IQCM: variants seen among roughly 807,000 people sequenced by gnomAD.
IQCM encodes the protein IQ motif containing M.
In IQCM, 45 loss-of-function variants were observed where a neutral mutation model predicts 57.6. That is an observed-to-expected ratio of 0.78 (90% CI 0.62 to 1.00). The LOEUF is 1.00. Among genes scored for constraint, IQCM ranks in the 50% least tolerant of loss-of-function variants. IQCM has a pLI of 0.00. For synonymous variants in IQCM, 148 were observed against 158.9 expected, an observed-to-expected ratio of 0.93 and a Z score of 0.51; for missense variants, 468 against 511.6, an observed-to-expected ratio of 0.91 and a Z score of 0.82.
intron 2 of IQCM, among the ~76,000 whole-genome samples, chr4:149,808,829 T>C (rs1439346690): frequency 6.6e-6 from 1 of 152,196 alleles, no homozygotes; most frequent in Admixed American, 6.5e-5. Flanking sequence ...GACTGTAGTA[T>C]CTAAGTTTTG....
intron 12 of IQCM, among the ~76,000 whole-genome samples, chr4:149,461,576 C>T (rs967977764): frequency 6.6e-6 from 1 of 151,070 alleles, no homozygotes; most frequent in East Asian, 2.0e-4. Context: ...ACTGCTTGGG[C>T]CTGGGAGGTC....
intron 2 of IQCM, among the ~76,000 whole-genome samples, chr4:149,744,809 A>G (rs896538424): frequency 6.6e-6 from 1 of 152,188 alleles, no homozygotes; most frequent in Non-Finnish European, 1.5e-5. Flanking sequence ...AGCTGTGCAA[A>G]GGACTTGCCA....
At chr4:149,381,243 T>A (rs190077507) in intron 13 of IQCM, among the ~76,000 whole-genome samples, 21 of 152,218 alleles carry the variant, frequency 1.4e-4, no homozygotes, top group South Asian at 1.2e-3. Context: ...AGCCATTATT[T>A]TTTCCTGCTT....
intron 9 of IQCM, among the ~76,000 whole-genome samples, chr4:149,567,455 T>G (rs1750739696): frequency 6.6e-6 from 1 of 152,036 alleles, no homozygotes; most frequent in Non-Finnish European, 1.5e-5. Context: ...CAAGCAATTA[T>G]CATGCCTCAG....
At chr4:149,601,215 T>C (rs137902761) in intron 8 of IQCM, among the ~76,000 whole-genome samples, 152,205 of 152,268 alleles carry the variant, frequency 1, 76,071 homozygotes, top group Middle Eastern at 1. Context: ...GATTAGAAGA[T>C]TAGAATCTTT....
At chr4:149,642,752 T>C (rs1187062219) in intron 7 of IQCM, among the ~76,000 whole-genome samples, 2 of 152,314 alleles carry the variant, frequency 1.3e-5, no homozygotes, top group East Asian at 1.9e-4. Flanking sequence ...TAATGAATAA[T>C]TCTCCTTAGA....
intron 9 of IQCM, among the ~76,000 whole-genome samples, chr4:149,567,751 T>C (rs1750768531): frequency 6.6e-6 from 1 of 152,196 alleles, no homozygotes; most frequent in Non-Finnish European, 1.5e-5. Flanking sequence ...AAAGATTTTC[T>C]TCTTCACTAT....
chr4:149,777,115 G>A (rs1274756671), intron 2 of IQCM, among the ~76,000 whole-genome samples: 2 of 152,118 alleles, frequency 1.3e-5, no homozygotes, highest in South Asian at 2.1e-4. Context: ...TACTATTAGA[G>A]CAATAATTTC....
At chr4:149,647,271 T>A (rs1372300022) in intron 7 of IQCM, among the ~76,000 whole-genome samples, 1 of 152,176 alleles carries the variant, frequency 6.6e-6, no homozygotes, top group Non-Finnish European at 1.5e-5. Context: ...ATATTTACTA[T>A]TTTTGGCTTT....
intron 2 of IQCM, among the ~76,000 whole-genome samples, chr4:149,754,165 C>T (rs908430668): frequency 5.3e-5 from 8 of 152,144 alleles, no homozygotes; most frequent in Non-Finnish European, 7.4e-5. Flanking sequence ...CACAGCTTTG[C>T]CCTTCAGAAT....
At chr4:149,432,342 T>A (rs1039840446) in intron 13 of IQCM, among the ~76,000 whole-genome samples, 3 of 152,034 alleles carry the variant, frequency 2.0e-5, no homozygotes, top group African/African-American at 7.2e-5. Context: ...TCATTTGCTA[T>A]CTATATATCT....
At chr4:149,581,279 A>C (rs1466967728) in intron 9 of IQCM, among the ~76,000 whole-genome samples, 4 of 149,890 alleles carry the variant, frequency 2.7e-5, no homozygotes, top group Non-Finnish European at 6.0e-5. Flanking sequence ...ATATATATAC[A>C]TACATATATA....
chr4:149,472,835 G>A (rs1739729505), intron 12 of IQCM, among the ~76,000 whole-genome samples: 1 of 152,048 alleles, frequency 6.6e-6, no homozygotes, highest in Non-Finnish European at 1.5e-5. Flanking sequence ...ACAATGATCT[G>A]ATCTTTGACA....
chr4:149,430,909 T>TA (rs1287902600), intron 13 of IQCM, among the ~76,000 whole-genome samples: 36 of 151,926 alleles, frequency 2.4e-4, no homozygotes, highest in African/African-American at 8.0e-4. Flanking sequence ...TTTAATTTTA[T>TA]AAAAAATTGA....
chr4:149,552,318 A>G (rs1176744457), intron 11 of IQCM, among the ~76,000 whole-genome samples: 1 of 152,202 alleles, frequency 6.6e-6, no homozygotes, highest in South Asian at 2.1e-4. Flanking sequence ...TAAATACTGT[A>G]TGACTAGCTG....
At chr4:149,549,729 T>C (rs561076632) in intron 11 of IQCM, among the ~76,000 whole-genome samples, 1 of 152,294 alleles carries the variant, frequency 6.6e-6, no homozygotes, top group Admixed American at 6.5e-5. Flanking sequence ...GGTTTAGCTC[T>C]GGCTGCCAAT....
chr4:149,611,426 T>C (rs1316846175), intron 8 of IQCM, among the ~76,000 whole-genome samples: 2 of 151,998 alleles, frequency 1.3e-5, no homozygotes, highest in South Asian at 2.1e-4. Context: ...AGATATAGTA[T>C]CAACCTAAAA....
At chr4:149,423,388 G>A (rs866774019) in intron 13 of IQCM, among the ~76,000 whole-genome samples, 16 of 152,034 alleles carry the variant, frequency 1.1e-4, no homozygotes, top group South Asian at 1.0e-3. Context: ...CCCTGGACAA[G>A]TAGGGATTAC....
chr4:149,389,464 T>A (rs1040797469), intron 13 of IQCM, among the ~76,000 whole-genome samples: 1 of 151,576 alleles, frequency 6.6e-6, no homozygotes, highest in Non-Finnish European at 1.5e-5. Context: ...AACCCAAATG[T>A]CCAACAATGA....
Sources: allele counts gnomAD v4.1 joint callset (sites outside exome capture counted in the v4.1 genomes callset), GRCh38; gene constraint gnomAD v4.1.1; transcripts MANE v1.5; gene names NCBI Gene and HGNC (gene_info 2026-07-23, HGNC 2026-07-21).